Variants in SPPL2A observed in about 807,000 individuals in gnomAD.
SPPL2A encodes the protein signal peptide peptidase-like 2A.
A neutral mutation model predicts 63.8 loss-of-function variants in SPPL2A; 51 were observed. That is an observed-to-expected ratio of 0.80 (90% CI 0.64 to 1.01). The LOEUF is 1.01. Among genes scored for constraint, SPPL2A ranks in the 50% least tolerant of loss-of-function variants. The pLI is 0.00. For synonymous variants in SPPL2A, 188 were observed against 205.8 expected (o/e 0.91, Z 0.74); for missense variants, 553 against 622.7 (o/e 0.89, Z 1.19).
chr15:50,755,233 G>A lies in SPPL2A; in HGVS notation c.67-5487C>T, dbSNP rs568643452. On this transcript the variant is annotated intron_variant, in intron 1 of 14. Transcript: ENST00000261854. ...CTCGGAAGCCTGAGGCAGGAGAATC[G>A]CTTGAACCCGGGAGGCAGAGGTTGT... 2.2e-4 allele frequency among the ~76,000 whole-genome samples: 33 copies of A among 150,168 alleles called. No individual in the cohort carries two copies. In the East Asian group the frequency reaches 3.6e-3, roughly 16 times the overall value.
At chr15:50,709,373 GGAA>G (rs2141016222) in intron 14 of SPPL2A, among the ~76,000 whole-genome samples, 1 of 152,176 alleles carries the variant, frequency 6.6e-6, no homozygotes, top group East Asian at 1.9e-4. Flanking sequence ...AGTGTTTTTT[GGAA>G]GAAGAACAAG....
chr15:50,762,381 A>C (rs148989467), intron 1 of SPPL2A, among the ~76,000 whole-genome samples: 1 of 148,282 alleles, frequency 6.7e-6, no homozygotes, highest in Non-Finnish European at 1.5e-5. Context: ...AAAAAAAAAA[A>C]ACAAAAACCC....
intron 1 of SPPL2A, among the ~76,000 whole-genome samples, chr15:50,763,236 A>G (rs1461213540): frequency 6.6e-6 from 1 of 152,144 alleles, no homozygotes; most frequent in Admixed American, 6.6e-5. Context: ...CAGAAAGGAG[A>G]AAGAACTCCA....
rs555219977 is a variant in SPPL2A at position 50,754,292 on chromosome 15, C to T, written c.67-4546G>A. On this transcript the variant is annotated intron_variant, in intron 1 of 14. Transcript: ENST00000261854. ...TGACACATCGTCATCATCCAAAGCTCATAGTTTACATTAGGGTTCATTCTT... is the reference window on the plus strand; with the variant it reads ...TGACACATCGTCATCATCCAAAGCTTATAGTTTACATTAGGGTTCATTCTT... Among the ~76,000 whole-genome samples the T allele has an allele frequency of 2.6e-5, 4 of 152,250 alleles. No individual in the cohort carries two copies. In the South Asian group the frequency reaches 6.2e-4, roughly 24 times the overall value.
Position 50,740,492 on chromosome 15 carries a change from G to C in SPPL2A, c.585-664C>G, listed in dbSNP as rs541664737. Among the ~76,000 whole-genome samples, 46 of 150,280 alleles carry C rather than the reference G, an allele frequency of 3.1e-4. 2 individuals are homozygous for C. The highest frequency in any genetic ancestry group is 2.6e-3 in the Admixed American group (39 of 15,036). On this transcript the variant is annotated intron_variant, in intron 5 of 14. Coordinates refer to ENST00000261854, the MANE Select transcript of SPPL2A (RefSeq NM_032802.4). ...CTATTATATAAACAAATTAATACTTGTGGATGTTTATATTACCTAATTTGA... is the reference window on the plus strand; with the variant it reads ...CTATTATATAAACAAATTAATACTTCTGGATGTTTATATTACCTAATTTGA...
At chr15:50,738,583 T>C (rs1262726109) in intron 6 of SPPL2A, among the ~76,000 whole-genome samples, 2 of 151,726 alleles carry the variant, frequency 1.3e-5, no homozygotes, top group Admixed American at 1.3e-4. Flanking sequence ...AAACAAATCC[T>C]AGGCCCTAGT....
rs936226131 is a variant in SPPL2A, at chr15:50,752,798, G to A, written c.67-3052C>T. ...TTTTTTGACACAGGTATCCTAGGCTGACCTTGTCCTTTATCTGCTATACAT... is the reference window on the plus strand; with the variant it reads ...TTTTTTGACACAGGTATCCTAGGCTAACCTTGTCCTTTATCTGCTATACAT... On this transcript the variant is annotated intron_variant, in intron 1 of 14. Transcript: ENST00000261854. 1.5e-4 allele frequency among the ~76,000 whole-genome samples: 23 copies of A among 151,580 alleles called. 1 individual carries two copies. Among genetic ancestry groups the A allele is most frequent in the African/African-American group, 5.6e-4 (23 of 41,340 alleles).
At chr15:50,754,325 A>C (rs989159359) in intron 1 of SPPL2A, among the ~76,000 whole-genome samples, 1 of 152,170 alleles carries the variant, frequency 6.6e-6, no homozygotes, top group Non-Finnish European at 1.5e-5. Flanking sequence ...CTTGGTGTAC[A>C]TCCTATGGGT....
chr15:50,759,579 T>C (rs2062990860), intron 1 of SPPL2A, among the ~76,000 whole-genome samples: 1 of 151,988 alleles, frequency 6.6e-6, no homozygotes, highest in East Asian at 1.9e-4. Flanking sequence ...CCGTCTCTAC[T>C]AAAAACATAA....
At chr15:50,732,080 C>T (rs1455869250) in intron 9 of SPPL2A, among the ~76,000 whole-genome samples, 1 of 151,902 alleles carries the variant, frequency 6.6e-6, no homozygotes, top group African/African-American at 2.4e-5. Flanking sequence ...ACAGCAAGAC[C>T]CCTATCTCTA....
At position 50,720,062 on chromosome 15, in the gene SPPL2A, C is replaced by G; in HGVS notation, c.1366G>C (p.Val456Leu). Residue 456 changes from valine (V) to leucine (L), a missense_variant, in exon 14 of 15, where the codon GTG becomes CTG. Val to Leu is a conservative substitution (Grantham distance 32). Transcript: ENST00000261854. Reference sequence around the variant, plus strand: ...GCAGGTTGCCCCTTTTTCATCAGCACCAGAACAACAAATGTAAGTATCATG... The same window carrying G: ...GCAGGTTGCCCCTTTTTCATCAGCAGCAGAACAACAAATGTAAGTATCATG... ...IGMILTFVVL[V>L]LMKKGQPALL... is the part of the protein sequence containing the mutation. The G allele has an allele frequency of 6.2e-7, 1 of 1,613,456 alleles. No homozygotes were observed. Among genetic ancestry groups the G allele is most frequent in the Non-Finnish European group, 8.5e-7 (1 of 1,179,770 alleles).
In SPPL2A at chr15:50,704,179, C is replaced by G. The variant is rs539145927; in HGVS notation, c.*3621G>C. 1.3e-5 allele frequency: 2 copies of G among 151,970 alleles called. No homozygotes were observed. Among genetic ancestry groups the G allele is most frequent in the East Asian group, 3.9e-4 (2 of 5,164 alleles). The allele number at this position is 151,970 out of a possible 1,614,324, so 9.4% of individuals were successfully genotyped here. On this transcript the variant is annotated 3_prime_UTR_variant, in exon 15 of 15. Transcript: ENST00000261854. ...TCAACATGGAGAAACCCCGTCTCTA[C>G]TAAAAATACTATATTAGCCGGGTGT...
At chr15:50,715,225 T>C (rs1489849587) in intron 14 of SPPL2A, among the ~76,000 whole-genome samples, 1 of 152,100 alleles carries the variant, frequency 6.6e-6, no homozygotes, top group Non-Finnish European at 1.5e-5. Context: ...CTCGAACTCC[T>C]GATCTCAAGT....
At chr15:50,716,146 G>A (rs890663545) in intron 14 of SPPL2A, among the ~76,000 whole-genome samples, 2 of 151,994 alleles carry the variant, frequency 1.3e-5, no homozygotes, top group African/African-American at 4.8e-5. Flanking sequence ...TTTTCCTCTT[G>A]TATTTTTAAA....
At chr15:50,717,910 T>C (rs2062609689) in intron 14 of SPPL2A, among the ~76,000 whole-genome samples, 1 of 152,198 alleles carries the variant, frequency 6.6e-6, no homozygotes, top group East Asian at 1.9e-4. Flanking sequence ...AACTAATAGG[T>C]TTATCACACT....
At chr15:50,749,533 G>T (rs561663943) in intron 2 of SPPL2A, 103 bp downstream of exon 2, 13 of 747,494 alleles carry the variant, frequency 1.7e-5, no homozygotes, top group Admixed American at 1.3e-4. Context: ...TGATCCGCCC[G>T]CCTTGGCCTC....
intron 1 of SPPL2A, 79 bp downstream of exon 1, chr15:50,765,389 A>G: frequency 8.9e-7 from 1 of 1,126,602 alleles, no homozygotes; most frequent in Non-Finnish European, 1.2e-6. Flanking sequence ...CCGGGCGAGG[A>G]GTAGGGGAAG....
intron 1 of SPPL2A, among the ~76,000 whole-genome samples, chr15:50,762,828 G>A (rs1009802266): frequency 2.0e-5 from 3 of 151,302 alleles, no homozygotes; most frequent in Non-Finnish European, 4.4e-5. Flanking sequence ...TGCCTCCCGG[G>A]TTCAAGCAAT....
At chr15:50,740,427 CAAAAAAAAAAA>C (rs34361362) in intron 5 of SPPL2A, among the ~76,000 whole-genome samples, 1 of 60,098 alleles carries the variant, frequency 1.7e-5, no homozygotes, top group Non-Finnish European at 3.2e-5. Context: ...AACTCCGTCT[CAAAAAAAAAAA>C]AAAAAAAGAA....
Sources: gnomAD v4.1 joint callset for allele counts (sites outside exome capture counted in the v4.1 genomes callset) on GRCh38, gnomAD v4.1.1 for gene constraint, MANE v1.5 for transcripts, NCBI Gene and HGNC (gene_info 2026-07-23, HGNC 2026-07-21) for gene names.